HHAT: variants seen among roughly 807,000 people sequenced by gnomAD.
HHAT encodes the protein protein-cysteine N-palmitoyltransferase HHAT.
In HHAT, 47 loss-of-function variants were observed where a neutral mutation model predicts 70.8. That is an observed-to-expected ratio of 0.66 (90% CI 0.53 to 0.85). HHAT has a LOEUF of 0.85. HHAT is among the 40% of genes least tolerant of loss of function. The pLI, the probability that HHAT is intolerant of heterozygous loss-of-function variation, is 0.00. For synonymous variants in HHAT, 228 were observed against 247.6 expected (o/e 0.92, Z 0.74); for missense variants, 609 against 604.8 (o/e 1.01, Z -0.07).
chr1:210,386,106 T>A (rs2091019239), intron 3 of HHAT, among the ~76,000 whole-genome samples: 1 of 152,040 alleles, frequency 6.6e-6, no homozygotes, highest in African/African-American at 2.4e-5. Context: ...CCCCACAATC[T>A]TAGGTACACC....
At chr1:210,411,251 C>G (rs904563403) in intron 6 of HHAT, among the ~76,000 whole-genome samples, 1 of 152,154 alleles carries the variant, frequency 6.6e-6, no homozygotes, top group Admixed American at 6.5e-5. Context: ...GGATGGGGCT[C>G]CATACCAAAT....
chr1:210,347,281 C>G (rs2086607660), intron 1 of HHAT, among the ~76,000 whole-genome samples: 1 of 152,170 alleles, frequency 6.6e-6, no homozygotes, highest in Non-Finnish European at 1.5e-5. Context: ...TTATTTCTGG[C>G]TCTGTGACCT....
rs895079087 is a variant in HHAT, at chr1:210,330,059, T to G, written c.-44+955T>G. On this transcript the variant is annotated intron_variant, in intron 1 of 11. Coordinates refer to ENST00000261458, the MANE Select transcript of HHAT (RefSeq NM_018194.6). ...ACCGTGCCTGGCATCTCATTCATTC[T>G]CAGAGCTAAGGACCTATTTCAATGT... 9.9e-5 allele frequency among the ~76,000 whole-genome samples: 15 copies of G among 152,204 alleles called. 1 individual carries two copies. Among genetic ancestry groups the G allele is most frequent in the Admixed American group, 9.8e-4 (15 of 15,278 alleles).
chr1:210,328,187 C>T (rs1165261583), upstream of HHAT: 2 of 152,100 alleles, frequency 1.3e-5, no homozygotes, highest in Non-Finnish European at 2.9e-5. Context: ...ATCCAGAAGC[C>T]CGAGGTTTTA....
At position 210,674,489 on chromosome 1, in the gene HHAT, A is replaced by G; in HGVS notation, c.*110A>G. On this transcript the variant is annotated 3_prime_UTR_variant, in exon 12 of 12. Coordinates refer to ENST00000261458, the MANE Select transcript of HHAT (RefSeq NM_018194.6). Reference sequence around the variant, plus strand: ...TAAGGGATTTGATCTGCTCATCTTCAGTTGAATGCCCTCACTCCAAGACTG... The same window carrying G: ...TAAGGGATTTGATCTGCTCATCTTCGGTTGAATGCCCTCACTCCAAGACTG... 1.3e-6 allele frequency: 1 copy of G among 754,470 alleles called. No homozygotes were observed. Among genetic ancestry groups the G allele is most frequent in the Non-Finnish European group, 2.2e-6 (1 of 453,366 alleles). The allele number at this position is 754,470 out of a possible 1,614,324, so 46.7% of individuals were successfully genotyped here. A position where few individuals can be genotyped will look rare whatever the true frequency, so the allele number is the denominator to read the frequency against.
intron 1 of HHAT, among the ~76,000 whole-genome samples, chr1:210,348,721 T>C (rs1025847896): frequency 6.5e-5 from 8 of 122,218 alleles, no homozygotes; most frequent in Non-Finnish European, 9.9e-5. Context: ...GATGCACATG[T>C]GTGGTGTATG....
At chr1:210,648,464 T>C (rs1674508326) in intron 11 of HHAT, among the ~76,000 whole-genome samples, 1 of 152,180 alleles carries the variant, frequency 6.6e-6, no homozygotes, top group South Asian at 2.1e-4. Context: ...GTGAGGACAG[T>C]GATGGAGACA....
chr1:210,376,876 A>C (rs1031878176), intron 3 of HHAT, among the ~76,000 whole-genome samples: 1 of 152,194 alleles, frequency 6.6e-6, no homozygotes, highest in Admixed American at 6.5e-5. Context: ...CCCTAGATAG[A>C]TGGCAAAAAT....
chr1:210,374,815 C>T lies in HHAT; in HGVS notation c.159+11896C>T, dbSNP rs2090050270. Among the ~76,000 whole-genome samples the T allele has an allele frequency of 2.1e-5, 3 of 143,628 alleles. No individual in the cohort carries two copies. In the Admixed American group the frequency reaches 2.1e-4, roughly 10 times the overall value. The allele number at this position is 143,628 out of a possible 152,430, so 94.2% of individuals were successfully genotyped here. The stretch of plus-strand genomic sequence containing the variant: ...CTTTTAATTTTAGATTCCAGGGGTA[C>T]ATGTGCAAGTTTATTACCTGGGTAT... On this transcript the variant is annotated intron_variant, in intron 3 of 11. Transcript: ENST00000261458.
chr1:210,374,242 T>G (rs917579691), intron 3 of HHAT: 7 of 148,414 alleles, frequency 4.7e-5, no homozygotes, highest in Middle Eastern at 3.4e-3. Context: ...GCGAAAGATT[T>G]ATTCGATCTG....
intron 9 of HHAT, among the ~76,000 whole-genome samples, chr1:210,551,125 G>A (rs1558144451): frequency 6.7e-6 from 1 of 149,038 alleles, no homozygotes; most frequent in East Asian, 2.2e-4. Flanking sequence ...AGAACTCCAT[G>A]TGGCTGGAAT....
At chr1:210,647,179 C>G (rs1164156696) in intron 11 of HHAT, among the ~76,000 whole-genome samples, 1 of 152,178 alleles carries the variant, frequency 6.6e-6, no homozygotes, top group Non-Finnish European at 1.5e-5. Context: ...TTTCATGTTC[C>G]TTGGATTGTA....
intron 7 of HHAT, among the ~76,000 whole-genome samples, chr1:210,441,129 C>T (rs1406965853): frequency 6.6e-6 from 1 of 152,164 alleles, no homozygotes; most frequent in Non-Finnish European, 1.5e-5. Context: ...TGTGCTTGTC[C>T]AGTGGACAGG....
At chr1:210,344,650 T>A (rs925424942) in intron 1 of HHAT, among the ~76,000 whole-genome samples, 1 of 152,098 alleles carries the variant, frequency 6.6e-6, no homozygotes, top group Non-Finnish European at 1.5e-5. Flanking sequence ...TTCCTAGAAA[T>A]CCCTGCAATT....
chr1:210,384,318 G>A (rs978966298), intron 3 of HHAT, among the ~76,000 whole-genome samples: 3 of 152,152 alleles, frequency 2.0e-5, no homozygotes, highest in Non-Finnish European at 4.4e-5. Flanking sequence ...GTGAGTGTTA[G>A]GTAGCAGCTT....
intron 3 of HHAT, among the ~76,000 whole-genome samples, chr1:210,384,478 T>C (rs1164910745): frequency 2.6e-5 from 4 of 152,092 alleles, no homozygotes; most frequent in Admixed American, 6.5e-5. Flanking sequence ...CCTGGAAGCT[T>C]GTTAGAAATA....
chr1:210,583,453 A>G (rs185218118), intron 9 of HHAT, among the ~76,000 whole-genome samples: 1 of 152,342 alleles, frequency 6.6e-6, no homozygotes, highest in African/African-American at 2.4e-5. Flanking sequence ...TTGTGCAGCA[A>G]ATCTTAGTAA....
chr1:210,381,159 T>C (rs762291077), intron 3 of HHAT, among the ~76,000 whole-genome samples: 1 of 152,082 alleles, frequency 6.6e-6, no homozygotes, highest in African/African-American at 2.4e-5. Flanking sequence ...TCCAAGACTT[T>C]CCTGGATAAC....
At chr1:210,667,967 CT>C (rs1679272024) in intron 11 of HHAT, among the ~76,000 whole-genome samples, 1 of 152,140 alleles carries the variant, frequency 6.6e-6, no homozygotes, top group African/African-American at 2.4e-5. Flanking sequence ...ACACTGCCTT[CT>C]CATTTCCCCT....
Sources: allele counts gnomAD v4.1 joint callset (sites outside exome capture counted in the v4.1 genomes callset), GRCh38; gene constraint gnomAD v4.1.1; transcripts MANE v1.5; gene names NCBI Gene and HGNC (gene_info 2026-07-23, HGNC 2026-07-21).